Variants in BLTP3A observed in about 807,000 individuals in gnomAD.
The protein encoded by BLTP3A is ICBP90 binding protein 1.
At chr6:34,806,118 T>G in the BLTP3A span, among the ~76,000 whole-genome samples, 2 of 152,222 alleles carry the variant, frequency 1.3e-5, no homozygotes, top group East Asian at 3.8e-4. Flanking sequence ...GTAGATGGAT[T>G]GTTGGATAGC....
the BLTP3A span, among the ~76,000 whole-genome samples, chr6:34,868,722 T>TAA: frequency 1.5e-5 from 2 of 133,402 alleles, no homozygotes; most frequent in Non-Finnish European, 1.6e-5. Flanking sequence ...AGACTCTGTT[T>TAA]AAAAAAAAAA....
the BLTP3A span, among the ~76,000 whole-genome samples, chr6:34,813,999 C>G: frequency 6.8e-6 from 1 of 147,592 alleles, no homozygotes; most frequent in Non-Finnish European, 1.5e-5. Context: ...GCCCATGGAA[C>G]ATCTTTTATT....
the BLTP3A span, among the ~76,000 whole-genome samples, chr6:34,852,498 T>C: frequency 6.6e-6 from 1 of 151,898 alleles, no homozygotes; most frequent in Non-Finnish European, 1.5e-5. Context: ...GTTGAGCTGG[T>C]ATCCAAATTG....
chr6:34,863,750 A>C, the BLTP3A span, among the ~76,000 whole-genome samples: 2 of 152,214 alleles, frequency 1.3e-5, no homozygotes, highest in African/African-American at 4.8e-5. Context: ...AATAAACTTG[A>C]CATTTAATGT....
the BLTP3A span, among the ~76,000 whole-genome samples, chr6:34,807,747 T>C: frequency 6.6e-6 from 1 of 152,098 alleles, no homozygotes; most frequent in Non-Finnish European, 1.5e-5. Context: ...TCTGTCAAAA[T>C]AGAAAATGTA....
the BLTP3A span, chr6:34,856,900 G>A: frequency 1.9e-6 from 3 of 1,614,036 alleles, no homozygotes; most frequent in Admixed American, 3.3e-5. Flanking sequence ...CTGCATGGTG[G>A]TACGGGTGGA....
At chr6:34,821,974 T>C in the BLTP3A span, 1 of 1,614,216 alleles carries the variant, frequency 6.2e-7, no homozygotes, top group South Asian at 1.1e-5. Context: ...CTTTCTTGAT[T>C]GCAAGTTATC....
At chr6:34,847,780 CATTT>C in the BLTP3A span, among the ~76,000 whole-genome samples, 8 of 146,054 alleles carry the variant, frequency 5.5e-5, no homozygotes, top group Non-Finnish European at 1.2e-4. Context: ...TTTTCAATTT[CATTT>C]ATTTCTGCTT....
chr6:34,804,806 G>C, the BLTP3A span, among the ~76,000 whole-genome samples: 1 of 152,088 alleles, frequency 6.6e-6, no homozygotes, highest in Non-Finnish European at 1.5e-5. Context: ...TAAAAGTCAG[G>C]GAGATTGTAT....
At chr6:34,841,967 C>T in the BLTP3A span, among the ~76,000 whole-genome samples, 1 of 152,158 alleles carries the variant, frequency 6.6e-6, no homozygotes, top group African/African-American at 2.4e-5. Context: ...AGGCTATTCT[C>T]TTCCCACTAG....
At chr6:34,863,439 C>CT in the BLTP3A span, among the ~76,000 whole-genome samples, 2 of 152,136 alleles carry the variant, frequency 1.3e-5, no homozygotes, top group East Asian at 3.9e-4. Context: ...ATGCCATTGC[C>CT]TATAGAATAC....
the BLTP3A span, chr6:34,834,425 T>G: frequency 6.2e-7 from 1 of 1,611,262 alleles, no homozygotes; most frequent in Non-Finnish European, 8.5e-7. Context: ...CCCATCATTG[T>G]GAAGGGAGAG....
At chr6:34,800,156 TG>T in the BLTP3A span, among the ~76,000 whole-genome samples, 1 of 152,212 alleles carries the variant, frequency 6.6e-6, no homozygotes, top group Non-Finnish European at 1.5e-5. Context: ...ATTTGTATCT[TG>T]GGTTAGGCCT....
At chr6:34,870,321 A>G in the BLTP3A span, among the ~76,000 whole-genome samples, 1 of 152,176 alleles carries the variant, frequency 6.6e-6, no homozygotes, top group African/African-American at 2.4e-5. Context: ...GATAATACCA[A>G]ATTGTTATGC....
chr6:34,804,315 C>A, the BLTP3A span, among the ~76,000 whole-genome samples: 1 of 152,108 alleles, frequency 6.6e-6, no homozygotes, highest in Non-Finnish European at 1.5e-5. Context: ...ACTATTTATT[C>A]ATTAATTATT....
the BLTP3A span, chr6:34,877,206 T>G: frequency 6.6e-6 from 1 of 152,658 alleles, no homozygotes; most frequent in Non-Finnish European, 1.5e-5. Flanking sequence ...AATTAGAATC[T>G]TTACTAAGAC....
the BLTP3A span, among the ~76,000 whole-genome samples, chr6:34,866,813 C>T: frequency 6.6e-6 from 1 of 152,214 alleles, no homozygotes; most frequent in African/African-American, 2.4e-5. Flanking sequence ...TTAGGTACCT[C>T]ATATAAGTGG....
chr6:34,871,664 G>A, the BLTP3A span: 1 of 1,614,176 alleles, frequency 6.2e-7, no homozygotes, highest in Middle Eastern at 1.7e-4. Context: ...TGCTGAAGAG[G>A]AGTGATGATG....
At chr6:34,792,730 C>G in the BLTP3A span, among the ~76,000 whole-genome samples, 1 of 152,318 alleles carries the variant, frequency 6.6e-6, no homozygotes, top group East Asian at 1.9e-4. Flanking sequence ...CCTTCGGGCC[C>G]CTGCCCCTTC....
Sources: gnomAD v4.1 joint callset for allele counts (sites outside exome capture counted in the v4.1 genomes callset) on GRCh38, gnomAD v4.1.1 for gene constraint, MANE v1.5 for transcripts, NCBI Gene and HGNC (gene_info 2026-07-23, HGNC 2026-07-21) for gene names.